The following CLEC16A variants were observed in gnomAD, a reference collection of about 807,000 sequenced individuals.
CLEC16A encodes protein CLEC16A.
A neutral mutation model predicts 109.5 loss-of-function variants in CLEC16A; 51 were observed. The observed-to-expected ratio is 0.47, with a 90% confidence interval of 0.37 to 0.59. CLEC16A has a LOEUF of 0.59. CLEC16A is among the 20% of genes least tolerant of loss of function. The probability of loss-of-function intolerance (pLI) is 0.00; values close to 1 mark genes in which losing one functional copy is unlikely to be tolerated. For missense variants in CLEC16A, 1,339 were observed against 1,394.0 expected, an observed-to-expected ratio of 0.96 and a Z score of 0.63; for synonymous variants, 673 against 564.2, an observed-to-expected ratio of 1.19 and a Z score of -2.73.
chr16:11,006,201 G>A (rs1445133948), intron 11 of CLEC16A, among the ~76,000 whole-genome samples: 1 of 152,128 alleles, frequency 6.6e-6, no homozygotes, highest in East Asian at 1.9e-4. Flanking sequence ...GGTACTGTGG[G>A]CCTGACTTGG....
intron 9 of CLEC16A, among the ~76,000 whole-genome samples, chr16:10,981,984 T>C (rs1217431101): frequency 6.6e-6 from 1 of 152,206 alleles, no homozygotes; most frequent in Non-Finnish European, 1.5e-5. Context: ...CCATACTCAG[T>C]TATAGCCCAA....
intron 3 of CLEC16A, among the ~76,000 whole-genome samples, chr16:10,964,408 C>T (rs1447792365): frequency 1.3e-5 from 2 of 152,228 alleles, no homozygotes; most frequent in East Asian, 1.9e-4. Context: ...GTCCCAGGCC[C>T]AGTTCTGCCC....
chr16:11,000,159 T>G (rs1258168693), intron 10 of CLEC16A, among the ~76,000 whole-genome samples: 1 of 152,182 alleles, frequency 6.6e-6, no homozygotes, highest in Non-Finnish European at 1.5e-5. Flanking sequence ...TTTATATCCA[T>G]GGGTTCCTTT....
chr16:11,149,121 G>A (rs1167950204), intron 22 of CLEC16A, among the ~76,000 whole-genome samples: 1 of 152,220 alleles, frequency 6.6e-6, no homozygotes, highest in Non-Finnish European at 1.5e-5. Context: ...GAGGCCAGGG[G>A]AGGGGCCAGG....
At chr16:11,158,691 G>A (rs1597597664) in intron 22 of CLEC16A, among the ~76,000 whole-genome samples, 1 of 152,112 alleles carries the variant, frequency 6.6e-6, no homozygotes, top group Admixed American at 6.6e-5. Context: ...GGGAGGCCGA[G>A]GGAAGAGGAT....
At chr16:10,972,273 G>A (rs940018043) in intron 5 of CLEC16A, among the ~76,000 whole-genome samples, 98 of 152,332 alleles carry the variant, frequency 6.4e-4, no homozygotes, top group African/African-American at 1.9e-3. Flanking sequence ...GCCCCTTTGG[G>A]GTCAAGGCCC....
At chr16:11,030,287 A>G (rs914648014) in intron 13 of CLEC16A, among the ~76,000 whole-genome samples, 1 of 152,204 alleles carries the variant, frequency 6.6e-6, no homozygotes, top group African/African-American at 2.4e-5. Flanking sequence ...GCTGAATCAT[A>G]TTTCCCATAT....
At chr16:10,951,647 G>C (rs975152710) in intron 1 of CLEC16A, among the ~76,000 whole-genome samples, 7 of 152,350 alleles carry the variant, frequency 4.6e-5, no homozygotes, top group African/African-American at 1.7e-4. Context: ...CTCAGACAGA[G>C]ACTGGCAGTA....
At chr16:11,073,631 G>A (rs941274070) in intron 19 of CLEC16A, among the ~76,000 whole-genome samples, 3 of 152,186 alleles carry the variant, frequency 2.0e-5, no homozygotes, top group Admixed American at 2.0e-4. Flanking sequence ...TGCCCACACA[G>A]TGCCCAGGCT....
chr16:11,034,509 G>A (rs7184915), intron 13 of CLEC16A, among the ~76,000 whole-genome samples: 34,186 of 152,066 alleles, frequency 0.22, 5,626 homozygotes, highest in African/African-American at 0.47. Flanking sequence ...AAGAGTTACT[G>A]ACACTGTGGG....
Position 11,040,312 on chromosome 16 carries a change from A to G in CLEC16A, c.1660+436A>G, listed in dbSNP as rs188627384. On this transcript the variant is annotated intron_variant, in intron 14 of 23. Coordinates refer to ENST00000409790, the MANE Select transcript of CLEC16A (RefSeq NM_015226.3). ...TTACCAGCAACAGTTGTGGGTAGGT[A>G]TGGAAACAGGTAGGAGTGAGAATGC... The G allele has an allele frequency of 1.9e-3, 327 of 169,822 alleles. 1 individual carries two copies. Among genetic ancestry groups the G allele is most frequent in the African/African-American group, 7.4e-3 (308 of 41,860 alleles). The allele number at this position is 169,822 out of a possible 1,614,324, so 10.5% of individuals were successfully genotyped here. A position where few individuals can be genotyped will look rare whatever the true frequency, so the allele number is the denominator to read the frequency against.
intron 3 of CLEC16A, among the ~76,000 whole-genome samples, chr16:10,963,629 C>T (rs186938330): frequency 2.0e-5 from 3 of 152,274 alleles, no homozygotes; most frequent in South Asian, 4.1e-4. Flanking sequence ...TGTGTGACTC[C>T]GAACTTCTTA....
At chr16:11,001,018 A>G (rs1482127822) in intron 10 of CLEC16A, among the ~76,000 whole-genome samples, 1 of 152,180 alleles carries the variant, frequency 6.6e-6, no homozygotes, top group African/African-American at 2.4e-5. Flanking sequence ...AAACACTTCA[A>G]TCAAAATCCC....
intron 1 of CLEC16A, among the ~76,000 whole-genome samples, chr16:10,945,239 A>G (rs1053020008): frequency 2.0e-5 from 3 of 152,180 alleles, no homozygotes; most frequent in Non-Finnish European, 2.9e-5. Context: ...AAAAGAGTAG[A>G]GTGACAGCAC....
At chr16:11,023,367 A>T (rs2046231580) in intron 12 of CLEC16A, among the ~76,000 whole-genome samples, 1 of 152,218 alleles carries the variant, frequency 6.6e-6, no homozygotes, top group Non-Finnish European at 1.5e-5. Context: ...CCAAATTTCA[A>T]GCAGCTGATT....
intron 13 of CLEC16A, among the ~76,000 whole-genome samples, chr16:11,030,740 G>A (rs2046693638): frequency 6.6e-6 from 1 of 152,154 alleles, no homozygotes; most frequent in African/African-American, 2.4e-5. Context: ...CGCCTCCCAG[G>A]TTCAAGCAAT....
intron 13 of CLEC16A, among the ~76,000 whole-genome samples, chr16:11,033,098 G>A (rs2046836482): frequency 6.6e-6 from 1 of 152,102 alleles, no homozygotes; most frequent in African/African-American, 2.4e-5. Context: ...GGGAGTAGAG[G>A]AAACTGGAAG....
At chr16:11,056,597 C>A (rs566820579) in intron 18 of CLEC16A, 1 of 152,208 alleles carries the variant, frequency 6.6e-6, no homozygotes, top group South Asian at 2.1e-4. Flanking sequence ...TTTATTTGTC[C>A]CCACATTGTT....
At chr16:10,986,305 C>A in intron 10 of CLEC16A, among the ~76,000 whole-genome samples, 1 of 152,226 alleles carries the variant, frequency 6.6e-6, no homozygotes, top group East Asian at 1.9e-4. Flanking sequence ...GCTGAGATTA[C>A]AGGCATGAGC....
Sources: gnomAD v4.1 joint callset for allele counts (sites outside exome capture counted in the v4.1 genomes callset) on GRCh38, gnomAD v4.1.1 for gene constraint, MANE v1.5 for transcripts, NCBI Gene and HGNC (gene_info 2026-07-23, HGNC 2026-07-21) for gene names.